Variants in SAMD12 observed in about 807,000 individuals in gnomAD.
SAMD12 encodes the protein sterile alpha motif domain containing 12, also known as sterile alpha motif domain-containing protein 12.
Under a neutral mutation model 15.0 loss-of-function variants are expected in SAMD12, and 9 were observed. That is an observed-to-expected ratio of 0.60 (90% CI 0.36 to 1.05). The LOEUF is 1.05. SAMD12 is among the 50% of genes least tolerant of loss of function. The pLI, the probability that SAMD12 is intolerant of heterozygous loss-of-function variation, is 0.01. For missense variants in SAMD12, 230 were observed against 234.2 expected, an observed-to-expected ratio of 0.98 and a Z score of 0.12; for synonymous variants, 86 against 90.1, an observed-to-expected ratio of 0.96 and a Z score of 0.25.
At position 118,553,993 on chromosome 8, in the gene SAMD12, ACAC is replaced by A. The variant is rs1826437234; in HGVS notation, c.192+26719_192+26721del. ...CAAAACCACAGTGAGATATCATCTCACACCAGTTAGAATGGCAATCATTAAAAA... is the reference window on the plus strand; with the variant it reads ...CAAAACCACAGTGAGATATCATCTCACAGTTAGAATGGCAATCATTAAAAA... On this transcript the variant is annotated intron_variant, in intron 2 of 3. Transcript: ENST00000314727. Among the ~76,000 whole-genome samples, 3 of 152,300 alleles carry A rather than the reference ACAC, an allele frequency of 2.0e-5. No homozygotes were observed. In the South Asian group the frequency reaches 6.2e-4, roughly 32 times the overall value.
intron 4 of SAMD12, among the ~76,000 whole-genome samples, chr8:118,359,832 A>G (rs1818402439): frequency 6.6e-6 from 1 of 152,200 alleles, no homozygotes; most frequent in Non-Finnish European, 1.5e-5. Context: ...TGATGTTGCT[A>G]TTTGCCCTGG....
chr8:118,225,087 C>G (rs531970080), intron 4 of SAMD12, among the ~76,000 whole-genome samples: 1 of 152,140 alleles, frequency 6.6e-6, no homozygotes, highest in African/African-American at 2.4e-5. Flanking sequence ...TTGTTGCATC[C>G]TCTCCTGCCC....
chr8:118,245,515 A>T (rs1812668681), intron 4 of SAMD12, among the ~76,000 whole-genome samples: 1 of 152,110 alleles, frequency 6.6e-6, no homozygotes, highest in African/African-American at 2.4e-5. Flanking sequence ...CCGTTTATAC[A>T]GGAGGAATCT....
At chr8:118,608,927 A>T (rs1451303602) in intron 1 of SAMD12, among the ~76,000 whole-genome samples, 1 of 152,196 alleles carries the variant, frequency 6.6e-6, no homozygotes, top group Non-Finnish European at 1.5e-5. Context: ...GTGACACGAC[A>T]TATTATGAAC....
intron 2 of SAMD12, among the ~76,000 whole-genome samples, chr8:118,544,908 C>T (rs865868860): frequency 6.6e-6 from 1 of 152,078 alleles, no homozygotes; most frequent in Admixed American, 6.6e-5. Context: ...CGACATATAA[C>T]GAAGAGAAGA....
intron 2 of SAMD12, among the ~76,000 whole-genome samples, chr8:118,476,166 G>A (rs1415173606): frequency 6.6e-6 from 1 of 152,144 alleles, no homozygotes; most frequent in African/African-American, 2.4e-5. Context: ...AATGAAAAGA[G>A]GAGTCAAAAC....
chr8:118,140,835 T>C, the SAMD12 span, among the ~76,000 whole-genome samples: 1 of 152,180 alleles, frequency 6.6e-6, no homozygotes, highest in Non-Finnish European at 1.5e-5. Context: ...TTTCCTTCCC[T>C]GAAGCAACTT....
downstream of SAMD12, among the ~76,000 whole-genome samples, chr8:118,187,416 C>T (rs531093492): frequency 4.6e-5 from 7 of 152,244 alleles, no homozygotes; most frequent in South Asian, 2.1e-4. Flanking sequence ...CCTCAACCAG[C>T]GCCAGCTCTT....
intron 4 of SAMD12, among the ~76,000 whole-genome samples, chr8:118,323,938 G>A (rs1229021495): frequency 6.6e-6 from 1 of 151,798 alleles, no homozygotes; most frequent in Non-Finnish European, 1.5e-5. Context: ...ATACATACAG[G>A]TTTTTTTCAA....
rs1286634074 is a variant in SAMD12 at position 118,408,434 on chromosome 8, C to T, written c.323-28734G>A. ...GATCATCAGCCTCCATATCTAACCA[C>T]TACCTGCCATCGCTTTCAGAGAGAA... On this transcript the variant is annotated intron_variant, in intron 3 of 3. Transcript: ENST00000314727. Among the ~76,000 whole-genome samples the T allele has an allele frequency of 2.0e-5, 3 of 152,292 alleles. No individual in the cohort carries two copies. The East Asian group carries it at 5.8e-4, about 29-fold the overall frequency.
chr8:118,618,720 G>T (rs1479957489), intron 1 of SAMD12, among the ~76,000 whole-genome samples: 1 of 151,760 alleles, frequency 6.6e-6, no homozygotes, highest in Admixed American at 6.6e-5. Flanking sequence ...GGCACCTGTA[G>T]CCCAGCTACT....
At chr8:118,165,266 AC>A in the SAMD12 span, among the ~76,000 whole-genome samples, 1 of 152,116 alleles carries the variant, frequency 6.6e-6, no homozygotes, top group African/African-American at 2.4e-5. Context: ...TCAGAGAAAC[AC>A]TTTACTTATG....
intron 4 of SAMD12, among the ~76,000 whole-genome samples, chr8:118,206,189 G>T (rs1448746601): frequency 6.6e-6 from 1 of 152,148 alleles, no homozygotes; most frequent in African/African-American, 2.4e-5. Flanking sequence ...TCCAGGGGAG[G>T]ACTAGAAAAC....
At chr8:118,576,647 C>T (rs1158608944) in intron 2 of SAMD12, among the ~76,000 whole-genome samples, 1 of 152,218 alleles carries the variant, frequency 6.6e-6, no homozygotes. Flanking sequence ...GTTAAGGAAT[C>T]TCAGGGCTGG....
chr8:118,301,852 C>T (rs7010323), intron 4 of SAMD12, among the ~76,000 whole-genome samples: 72,381 of 151,846 alleles, frequency 0.48, 19,828 homozygotes, highest in African/African-American at 0.77. Flanking sequence ...AAATTCCTTA[C>T]AGGTAGAGTC....
exon 5 of SAMD12, chr8:118,191,963 G>C (rs1307731182): frequency 6.6e-6 from 1 of 150,680 alleles, no homozygotes; most frequent in African/African-American, 2.4e-5. Flanking sequence ...ATAGAGGTTA[G>C]AAAGATAATT....
intron 4 of SAMD12, among the ~76,000 whole-genome samples, chr8:118,307,671 A>C (rs2130371806): frequency 6.6e-6 from 1 of 152,322 alleles, no homozygotes; most frequent in East Asian, 1.9e-4. Flanking sequence ...AAATTAAGCA[A>C]TTTGCCTAAA....
the SAMD12 span, among the ~76,000 whole-genome samples, chr8:118,143,825 G>A: frequency 1.1e-4 from 17 of 152,286 alleles, no homozygotes; most frequent in African/African-American, 3.6e-4. Context: ...TGAGGTCTAC[G>A]CACAGTCATT....
chr8:118,348,795 G>A (rs1458291390), intron 4 of SAMD12, among the ~76,000 whole-genome samples: 1 of 152,220 alleles, frequency 6.6e-6, no homozygotes, highest in Non-Finnish European at 1.5e-5. Flanking sequence ...AGAGACTATA[G>A]GATGAGCTGG....
Sources: gnomAD v4.1 joint callset for allele counts (sites outside exome capture counted in the v4.1 genomes callset) on GRCh38, gnomAD v4.1.1 for gene constraint, MANE v1.5 for transcripts, NCBI Gene and HGNC (gene_info 2026-07-23, HGNC 2026-07-21) for gene names.